Variants in GHR observed in about 807,000 individuals in gnomAD.
GHR encodes growth hormone receptor.
GHR carries 35 observed loss-of-function variants against 67.1 expected under a neutral mutation model. That is an observed-to-expected ratio of 0.52 (90% CI 0.40 to 0.69). The LOEUF (loss-of-function observed/expected upper bound fraction) is 0.69, where lower values mean the gene tolerates loss of function less well. GHR is among the 30% of genes least tolerant of loss of function. GHR has a pLI of 0.00. For synonymous variants in GHR, 272 were observed against 269.1 expected, an observed-to-expected ratio of 1.01 and a Z score of -0.10; for missense variants, 792 against 764.6, an observed-to-expected ratio of 1.04 and a Z score of -0.42.
Position 42,719,789 on chromosome 5 carries a change from G to T in GHR, c.*365G>T. 1 of 283,706 alleles carries T rather than the reference G, an allele frequency of 3.5e-6. No homozygotes were observed. The highest frequency in any genetic ancestry group is 2.2e-5 in the African/African-American group (1 of 45,638). The allele number at this position is 283,706 out of a possible 1,614,324, so 17.6% of individuals were successfully genotyped here. A position where few individuals can be genotyped will look rare whatever the true frequency, so the allele number is the denominator to read the frequency against. Reference sequence around the variant, plus strand: ...AGCGAAAAAATCAGGTGGCTTTTGCGGTTCAGGAAAATTGAATGCAAACCA... The same window carrying T: ...AGCGAAAAAATCAGGTGGCTTTTGCTGTTCAGGAAAATTGAATGCAAACCA... On this transcript the variant is annotated 3_prime_UTR_variant, in exon 10 of 10. Coordinates refer to ENST00000230882, the MANE Select transcript of GHR (RefSeq NM_000163.5).
chr5:42,640,591 C>T (rs939443903), intron 3 of GHR, among the ~76,000 whole-genome samples: 2 of 151,858 alleles, frequency 1.3e-5, no homozygotes, highest in African/African-American at 4.8e-5. Context: ...GTATATTTTT[C>T]TGGAAGGATA....
intron 2 of GHR, among the ~76,000 whole-genome samples, chr5:42,613,087 A>C (rs1752965249): frequency 6.6e-6 from 1 of 152,114 alleles, no homozygotes; most frequent in African/African-American, 2.4e-5. Flanking sequence ...GCATAATATT[A>C]TTTCTGATTG....
At chr5:42,694,026 A>T (rs534049153) in intron 4 of GHR, among the ~76,000 whole-genome samples, 27 of 152,174 alleles carry the variant, frequency 1.8e-4, no homozygotes, top group African/African-American at 6.3e-4. Flanking sequence ...CTCTCTGTTT[A>T]TTCCCTTCCT....
At chr5:42,552,573 TTAGA>T (rs1749090486) in intron 1 of GHR, among the ~76,000 whole-genome samples, 1 of 152,224 alleles carries the variant, frequency 6.6e-6, no homozygotes, top group African/African-American at 2.4e-5. Context: ...CCAGAAGTGA[TTAGA>T]CTCTAGGGGC....
chr5:42,641,727 T>A (rs887173428), intron 3 of GHR, among the ~76,000 whole-genome samples: 11 of 152,182 alleles, frequency 7.2e-5, no homozygotes, highest in Non-Finnish European at 1.5e-4. Context: ...TTGGGTAACT[T>A]CCCTAAAATT....
intron 1 of GHR, among the ~76,000 whole-genome samples, chr5:42,500,153 G>A (rs570655377): frequency 2.8e-4 from 42 of 152,320 alleles, no homozygotes; most frequent in African/African-American, 8.4e-4. Context: ...TACGCCAGTC[G>A]AGTGTGGGCT....
chr5:42,605,646 A>G (rs1405285298), intron 2 of GHR, among the ~76,000 whole-genome samples: 1 of 152,214 alleles, frequency 6.6e-6, no homozygotes, highest in Non-Finnish European at 1.5e-5. Context: ...ATCTGTGCCA[A>G]ATGCTTGTGC....
Position 42,482,886 on chromosome 5 carries a change from G to A in GHR, c.-12+58931G>A, listed in dbSNP as rs566266287. ...TCGCACTCGGTGTGCTGCACCCACT[G>A]TCCTGCACCCACTGTCTGGCACACC... On this transcript the variant is annotated intron_variant, in intron 1 of 9. Coordinates refer to ENST00000230882, the MANE Select transcript of GHR (RefSeq NM_000163.5). 2.6e-5 allele frequency among the ~76,000 whole-genome samples: 4 copies of A among 152,292 alleles called. No individual in the cohort carries two copies. The East Asian group carries it at 5.8e-4, about 22-fold the overall frequency.
chr5:42,435,210 AGT>A (rs1234948378), intron 1 of GHR, among the ~76,000 whole-genome samples: 1 of 152,092 alleles, frequency 6.6e-6, no homozygotes, highest in Non-Finnish European at 1.5e-5. Context: ...GAGTCCCTGA[AGT>A]GTTTACTTTG....
chr5:42,519,451 T>C (rs144633066), intron 1 of GHR, among the ~76,000 whole-genome samples: 1 of 152,174 alleles, frequency 6.6e-6, no homozygotes, highest in Non-Finnish European at 1.5e-5. Context: ...CTCTCAGTAT[T>C]TCCTTCTAAC....
At chr5:42,679,063 A>G (rs981811975) in intron 3 of GHR, among the ~76,000 whole-genome samples, 12 of 145,732 alleles carry the variant, frequency 8.2e-5, no homozygotes, top group Admixed American at 1.4e-4. Context: ...TAAACAATAT[A>G]TTAATTAGTA....
At chr5:42,600,312 G>A (rs1380883975) in intron 2 of GHR, among the ~76,000 whole-genome samples, 1 of 152,234 alleles carries the variant, frequency 6.6e-6, no homozygotes, top group African/African-American at 2.4e-5. Flanking sequence ...AGAGAGAAAG[G>A]ATGTAAGAGT....
At chr5:42,620,746 A>C (rs763633490) in intron 2 of GHR, among the ~76,000 whole-genome samples, 16 of 152,170 alleles carry the variant, frequency 1.1e-4, no homozygotes, top group Admixed American at 5.9e-4. Flanking sequence ...CTGGGAAGAG[A>C]AGGTGGCTCC....
chr5:42,544,776 A>G (rs1454936869), intron 1 of GHR, among the ~76,000 whole-genome samples: 2 of 152,200 alleles, frequency 1.3e-5, no homozygotes, highest in African/African-American at 2.4e-5. Context: ...CAAGCCAATG[A>G]ACAAAGCTGG....
Position 42,634,564 on chromosome 5 carries a change from C to T in GHR, c.136+5461C>T, listed in dbSNP as rs1411522283. On this transcript the variant is annotated intron_variant, in intron 3 of 9. Transcript: ENST00000230882. ...ACACACTGCAAAAAATAAACAGAAG[C>T]CAAGCCCTCCCCAGTATCTTAAGTA... Among the ~76,000 whole-genome samples the T allele has an allele frequency of 4.0e-5, 6 of 150,420 alleles. No homozygotes were observed. In the East Asian group the frequency reaches 1.2e-3, roughly 29 times the overall value.
intron 3 of GHR, among the ~76,000 whole-genome samples, chr5:42,669,215 T>C (rs1032616746): frequency 1.3e-5 from 2 of 152,178 alleles, no homozygotes; most frequent in Non-Finnish European, 1.5e-5. Flanking sequence ...GCTGAATAAA[T>C]GAAGAATGAA....
chr5:42,590,069 G>A (rs924479540), intron 2 of GHR, among the ~76,000 whole-genome samples: 3 of 152,152 alleles, frequency 2.0e-5, no homozygotes, highest in Non-Finnish European at 2.9e-5. Context: ...CATGTTGTGT[G>A]CCTGGCATCA....
chr5:42,507,197 G>A (rs1382822448), intron 1 of GHR, among the ~76,000 whole-genome samples: 1 of 152,218 alleles, frequency 6.6e-6, no homozygotes, highest in Non-Finnish European at 1.5e-5. Context: ...TTGTCAGAAT[G>A]ATTACAGTTT....
intron 1 of GHR, among the ~76,000 whole-genome samples, chr5:42,445,572 C>T (rs914771540): frequency 6.6e-6 from 1 of 152,144 alleles, no homozygotes; most frequent in Non-Finnish European, 1.5e-5. Context: ...CTTGGCATGA[C>T]TGTGCTTTTC....
Sources: allele counts gnomAD v4.1 joint callset (sites outside exome capture counted in the v4.1 genomes callset), GRCh38; gene constraint gnomAD v4.1.1; transcripts MANE v1.5; gene names NCBI Gene and HGNC (gene_info 2026-07-23, HGNC 2026-07-21).